The following PTPRU variants were observed in gnomAD, a reference collection of about 807,000 sequenced individuals.
The protein encoded by PTPRU is receptor-type tyrosine-protein phosphatase U.
A neutral mutation model predicts 166.3 loss-of-function variants in PTPRU; 69 were observed. The observed-to-expected ratio is 0.41, with a 90% CI of 0.34 to 0.51. The LOEUF is 0.51. Ranked by LOEUF, PTPRU falls within the 20% of genes least tolerant of loss-of-function variation. The pLI is 0.09. For missense variants in PTPRU, 1,657 were observed against 2,013.7 expected, an observed-to-expected ratio of 0.82 and a Z score of 3.39; for synonymous variants, 793 against 814.0, an observed-to-expected ratio of 0.97 and a Z score of 0.44.
At chr1:29,310,103 G>T (rs912410249) in intron 18 of PTPRU, among the ~76,000 whole-genome samples, 3 of 152,086 alleles carry the variant, frequency 2.0e-5, no homozygotes, top group Non-Finnish European at 2.9e-5. Flanking sequence ...GTGGGAGGTG[G>T]TACTGGTAAA....
chr1:29,293,737 G>C (rs1190975823), intron 15 of PTPRU, among the ~76,000 whole-genome samples: 1 of 151,930 alleles, frequency 6.6e-6, no homozygotes, highest in Non-Finnish European at 1.5e-5. Flanking sequence ...ACCTCCCAAA[G>C]TGCTGGGATT....
intron 15 of PTPRU, among the ~76,000 whole-genome samples, chr1:29,292,322 T>C (rs375902618): frequency 8.7e-4 from 132 of 152,254 alleles, no homozygotes; most frequent in African/African-American, 3.1e-3. Context: ...GCCTCACCCC[T>C]TATTGAGCAC....
At chr1:29,295,571 C>T (rs1468814371) in intron 15 of PTPRU, among the ~76,000 whole-genome samples, 1 of 152,054 alleles carries the variant, frequency 6.6e-6, no homozygotes, top group Non-Finnish European at 1.5e-5. Context: ...ATAGATGTCC[C>T]TAGGTTCTTT....
At chr1:29,252,290 CAG>C (rs1008574969) in intron 1 of PTPRU, among the ~76,000 whole-genome samples, 1 of 134,688 alleles carries the variant, frequency 7.4e-6, no homozygotes, top group Non-Finnish European at 1.6e-5. Flanking sequence ...TTTTTTGAGA[CAG>C]AGTCACACTC....
chr1:29,240,369 G>C (rs1467486413), intron 1 of PTPRU, among the ~76,000 whole-genome samples: 2 of 152,108 alleles, frequency 1.3e-5, no homozygotes, highest in African/African-American at 4.8e-5. Flanking sequence ...TTAGTGCCAG[G>C]TACAAGGCCT....
chr1:29,266,107 G>C (rs543712481), intron 7 of PTPRU, among the ~76,000 whole-genome samples: 7 of 132,288 alleles, frequency 5.3e-5, no homozygotes, highest in African/African-American at 2.0e-4. Context: ...CACAATCTCT[G>C]CCTCCTGGGC....
In PTPRU at chr1:29,291,507, GT is replaced by G. The variant is rs1047835285; in HGVS notation, c.2319-361del. 6.6e-6 allele frequency among the ~76,000 whole-genome samples: 1 copy of G among 152,126 alleles called. No homozygotes were observed. The highest frequency in any genetic ancestry group is 2.4e-5 in the African/African-American group (1 of 41,426). ...TTTCCTAGTTTGGGGTGCAGTGGGG[GT>G]GAGGGGGCTGTCTGCTGTGACACCA... is the stretch of plus-strand genomic sequence containing the variant. On this transcript the variant is annotated intron_variant, in intron 14 of 29. Transcript: ENST00000373779. This position sits in a 1 kb window ranked among gnomAD's most constrained non-coding sequence, Gnocchi z 4.1.
At chr1:29,293,067 C>G (rs1388893166) in intron 15 of PTPRU, among the ~76,000 whole-genome samples, 1 of 152,142 alleles carries the variant, frequency 6.6e-6, no homozygotes, top group African/African-American at 2.4e-5. Flanking sequence ...GTAACCTCTG[C>G]CTCCAGGGTT....
At chr1:29,319,773 A>C (rs1688067719) in intron 25 of PTPRU, among the ~76,000 whole-genome samples, 1 of 151,586 alleles carries the variant, frequency 6.6e-6, no homozygotes, top group African/African-American at 2.4e-5. Flanking sequence ...GACCAGGGTC[A>C]TGGGAGCTTG....
At chr1:29,249,515 G>A (rs1293422557) in intron 1 of PTPRU, among the ~76,000 whole-genome samples, 1 of 152,244 alleles carries the variant, frequency 6.6e-6, no homozygotes, top group African/African-American at 2.4e-5. Context: ...CCAAGGGCAG[G>A]CATTCTCCCT....
chr1:29,325,575 C>G (rs570516287), intron 29 of PTPRU, 24 bp from the exon 30 acceptor site: 24 of 1,597,420 alleles, frequency 1.5e-5, no homozygotes, highest in Admixed American at 1.2e-4. Context: ...GCTCATGATT[C>G]CCTCCCTCTC....
At chr1:29,258,442 G>A in intron 2 of PTPRU, 63 bp from the exon 3 acceptor site, 2 of 1,550,712 alleles carry the variant, frequency 1.3e-6, no homozygotes, top group Non-Finnish European at 1.7e-6. Context: ...TGCTCCCCTT[G>A]CCCTGGCCCT....
intron 7 of PTPRU, among the ~76,000 whole-genome samples, chr1:29,275,204 G>A (rs1349160595): frequency 6.6e-6 from 1 of 152,174 alleles, no homozygotes; most frequent in African/African-American, 2.4e-5. Context: ...AAGGATCAGA[G>A]GGGTGAAGTG....
At chr1:29,287,144 A>G (rs1475048337) in intron 14 of PTPRU, among the ~76,000 whole-genome samples, 1 of 152,034 alleles carries the variant, frequency 6.6e-6, no homozygotes, top group Non-Finnish European at 1.5e-5. Context: ...ATTATGGGTA[A>G]TAGAGGCCAG....
At chr1:29,325,160 C>T (rs748948431) in intron 28 of PTPRU, 31 bp from the exon 29 acceptor site, 5 of 1,613,726 alleles carry the variant, frequency 3.1e-6, no homozygotes, top group Non-Finnish European at 4.2e-6. Context: ...TTCCAAGGCC[C>T]CGCCCCTCAG....
Position 29,237,777 on chromosome 1 carries a change from G to C in PTPRU, c.73+1060G>C, listed in dbSNP as rs1285666445. Reference sequence around the variant, plus strand: ...GCGGCGCCGGGGCTGCGGGGCGCCCGGGCCAGCGGGCCCCAGCGAGGGGCC... The same window carrying C: ...GCGGCGCCGGGGCTGCGGGGCGCCCCGGCCAGCGGGCCCCAGCGAGGGGCC... On this transcript the variant is annotated intron_variant, in intron 1 of 29. Transcript: ENST00000373779. The surrounding 1 kb of genome is among the most constrained non-coding windows in gnomAD (Gnocchi z 6.4). Among the ~76,000 whole-genome samples, 1 of 147,468 alleles carries C rather than the reference G, an allele frequency of 6.8e-6. No homozygotes were observed. Among genetic ancestry groups the C allele is most frequent in the Non-Finnish European group, 1.5e-5 (1 of 66,364 alleles).
At chr1:29,273,480 G>C (rs927846474) in intron 7 of PTPRU, among the ~76,000 whole-genome samples, 1 of 152,116 alleles carries the variant, frequency 6.6e-6, no homozygotes, top group African/African-American at 2.4e-5. Flanking sequence ...TGTTGGCCAG[G>C]CTGGTCTCAA....
Position 29,315,647 on chromosome 1 carries a change from C to G in PTPRU, c.3363+140C>G. ...CCTCAGATCATCCCTGACCTTGGGC[C>G]GCCAACTGCATAGGGTCATCCTGAA... On this transcript the variant is annotated intron_variant, in intron 23 of 29. Coordinates refer to ENST00000373779, the MANE Select transcript of PTPRU (RefSeq NM_133178.4). The surrounding 1 kb of genome is among the most constrained non-coding windows in gnomAD (Gnocchi z 4.5). 4 of 1,260,614 alleles carry G rather than the reference C, an allele frequency of 3.2e-6. No individual in the cohort carries two copies. Among genetic ancestry groups the G allele is most frequent in the Non-Finnish European group, 4.5e-6 (4 of 894,896 alleles). The allele number at this position is 1,260,614 out of a possible 1,614,324, so 78.1% of individuals were successfully genotyped here. A position where few individuals can be genotyped will look rare whatever the true frequency, so the allele number is the denominator to read the frequency against.
intron 1 of PTPRU, among the ~76,000 whole-genome samples, chr1:29,250,401 T>TAGG (rs1204168154): frequency 6.6e-6 from 1 of 152,196 alleles, no homozygotes; most frequent in Non-Finnish European, 1.5e-5. Flanking sequence ...GGAATAAAGA[T>TAGG]AGGAGGTTTA....
Sources: gnomAD v4.1 joint callset for allele counts (sites outside exome capture counted in the v4.1 genomes callset) on GRCh38, gnomAD v4.1.1 for gene constraint, Gnocchi (gnomAD v3.1) non-coding constraint, MANE v1.5 for transcripts, NCBI Gene and HGNC (gene_info 2026-07-23, HGNC 2026-07-21) for gene names.